Variants in NBAS observed in about 807,000 individuals in gnomAD.
NBAS encodes NAG/BC035112 fusion.
A neutral mutation model predicts 302.5 loss-of-function variants in NBAS; 219 were observed. The observed-to-expected ratio is 0.72, with a 90% CI of 0.65 to 0.81. The LOEUF is 0.81. Ranked by LOEUF, NBAS falls within the 30% of genes least tolerant of loss-of-function variation. The pLI, the probability that NBAS is intolerant of heterozygous loss-of-function variation, is 0.00. For missense variants in NBAS, 2,932 were observed against 2,841.6 expected (o/e 1.03, Z -0.72); for synonymous variants, 1,118 against 1,021.6 (o/e 1.09, Z -1.80).
Position 15,537,810 on chromosome 2 carries a change from A to C in NBAS, c.514-1259T>G, listed in dbSNP as rs901833480. 2.0e-5 allele frequency among the ~76,000 whole-genome samples: 3 copies of C among 152,202 alleles called. No homozygotes were observed. In the East Asian group the frequency reaches 5.8e-4, roughly 29 times the overall value. On this transcript the variant is annotated intron_variant, in intron 7 of 51. Coordinates refer to ENST00000281513, the MANE Select transcript of NBAS (RefSeq NM_015909.4). ...CTGTACATGTAAAAATATTAACATC[A>C]ATAAAAACTGTACAACTTTTCTCCT...
chr2:14,940,499 G>A, the NBAS span, among the ~76,000 whole-genome samples: 5 of 151,952 alleles, frequency 3.3e-5, no homozygotes, highest in Admixed American at 2.6e-4. Flanking sequence ...TTATATATAC[G>A]CTGAAAGGCA....
chr2:15,463,918 C>T (rs1008877484), intron 19 of NBAS, among the ~76,000 whole-genome samples: 1 of 151,636 alleles, frequency 6.6e-6, no homozygotes, highest in African/African-American at 2.4e-5. Flanking sequence ...TTCTTAGACA[C>T]ACATACCTAA....
intron 10 of NBAS, among the ~76,000 whole-genome samples, chr2:15,505,066 G>A (rs989639174): frequency 2.0e-5 from 3 of 152,170 alleles, no homozygotes; most frequent in Non-Finnish European, 2.9e-5. Flanking sequence ...CACTTAGCCT[G>A]AAGATAGAGA....
the NBAS span, among the ~76,000 whole-genome samples, chr2:15,032,124 T>C: frequency 1.3e-5 from 2 of 152,208 alleles, no homozygotes; most frequent in East Asian, 3.9e-4. Context: ...GCTCAGTCAT[T>C]ACTCTTCTCC....
chr2:15,117,370 C>T, the NBAS span, among the ~76,000 whole-genome samples: 3 of 152,168 alleles, frequency 2.0e-5, no homozygotes, highest in Non-Finnish European at 4.4e-5. Context: ...TCCATTCAGA[C>T]CTTGCTGCTC....
the NBAS span, among the ~76,000 whole-genome samples, chr2:15,140,319 C>G: frequency 1.3e-5 from 2 of 152,214 alleles, no homozygotes; most frequent in Non-Finnish European, 2.9e-5. Flanking sequence ...GAGTTGCCAC[C>G]ATGACCTTTC....
the NBAS span, among the ~76,000 whole-genome samples, chr2:15,026,145 G>A: frequency 6.6e-6 from 1 of 150,942 alleles, no homozygotes; most frequent in Non-Finnish European, 1.5e-5. Flanking sequence ...TAACATGAAG[G>A]GATGTTGAAT....
chr2:14,921,955 T>TTCCTATTCAAA, the NBAS span, among the ~76,000 whole-genome samples: 1 of 152,206 alleles, frequency 6.6e-6, no homozygotes. Flanking sequence ...CCTACCACTG[T>TTCCTATTCAAA]TCCTATTCAA....
At chr2:15,493,878 G>A (rs1285989868) in intron 11 of NBAS, among the ~76,000 whole-genome samples, 6 of 144,414 alleles carry the variant, frequency 4.2e-5, no homozygotes, top group Non-Finnish European at 1.5e-5. Context: ...CCATGCCGGA[G>A]TACAGTGGTG....
chr2:15,518,863 A>AT lies in NBAS; in HGVS notation c.747-7514dup, dbSNP rs570284487. On this transcript the variant is annotated intron_variant, in intron 9 of 51. Transcript: ENST00000281513. ...AGAGAGCTTGTGCAGAGAAACTCCC[A>AT]TTTTTTTAAAATCATCAGATCTCAT... Among the ~76,000 whole-genome samples, 12 of 152,196 alleles carry AT rather than the reference A, an allele frequency of 7.9e-5. 1 individual carries two copies. In the South Asian group the frequency reaches 1.5e-3, roughly 18 times the overall value.
the NBAS span, among the ~76,000 whole-genome samples, chr2:14,950,033 A>T: frequency 2.6e-5 from 4 of 152,196 alleles, no homozygotes; most frequent in African/African-American, 9.7e-5. Flanking sequence ...CTTTTGCATT[A>T]GTTATTGGGG....
chr2:15,507,290 CCTACAGAAGTATTCCTTCTG>C (rs966231960), intron 10 of NBAS, among the ~76,000 whole-genome samples: 1 of 151,074 alleles, frequency 6.6e-6, no homozygotes, highest in Non-Finnish European at 1.5e-5. Context: ...GGTGTGGGAT[CCTACAGAAGTATTCCTTCTG>C]ATTACTTCTA....
chr2:15,105,220 A>G, the NBAS span, among the ~76,000 whole-genome samples: 1,774 of 151,802 alleles, frequency 0.012, 36 homozygotes, highest in African/African-American at 0.041. Context: ...AGAACACATG[A>G]ACACAGGGAG....
At chr2:15,283,010 TACA>T (rs1381936092) in intron 42 of NBAS, among the ~76,000 whole-genome samples, 2 of 152,148 alleles carry the variant, frequency 1.3e-5, no homozygotes, top group Non-Finnish European at 2.9e-5. Context: ...TACTACAACA[TACA>T]ACTTGCTTTT....
the NBAS span, among the ~76,000 whole-genome samples, chr2:15,137,701 C>A: frequency 6.6e-6 from 1 of 152,176 alleles, no homozygotes; most frequent in South Asian, 2.1e-4. Context: ...AAAGCATCAT[C>A]TTTGCCCAGG....
chr2:14,805,330 A>C, the NBAS span, among the ~76,000 whole-genome samples: 1 of 152,108 alleles, frequency 6.6e-6, no homozygotes, highest in Non-Finnish European at 1.5e-5. Context: ...CATATTGAAG[A>C]CTCTGAGGAG....
At chr2:15,019,045 G>C in the NBAS span, among the ~76,000 whole-genome samples, 3 of 152,152 alleles carry the variant, frequency 2.0e-5, 1 homozygote, top group South Asian at 6.2e-4. Context: ...GAATAGTCCA[G>C]TTCAAAACAT....
At chr2:14,902,140 T>C in the NBAS span, among the ~76,000 whole-genome samples, 1 of 152,184 alleles carries the variant, frequency 6.6e-6, no homozygotes, top group African/African-American at 2.4e-5. Flanking sequence ...ATTTTCTCTT[T>C]CATTTTTTTG....
intron 44 of NBAS, among the ~76,000 whole-genome samples, chr2:15,254,588 C>A (rs73194980): frequency 6.6e-6 from 1 of 151,980 alleles, no homozygotes; most frequent in African/African-American, 2.4e-5. Flanking sequence ...GAACAGGTGG[C>A]GTTTGCATGG....
Sources: gnomAD v4.1 joint callset for allele counts (sites outside exome capture counted in the v4.1 genomes callset) on GRCh38, gnomAD v4.1.1 for gene constraint, MANE v1.5 for transcripts, NCBI Gene and HGNC (gene_info 2026-07-23, HGNC 2026-07-21) for gene names.